The following MAGI2 variants were observed in gnomAD, a reference collection of about 807,000 sequenced individuals.
MAGI2 encodes membrane-associated guanylate kinase, WW and PDZ domain-containing protein 2.
Under a neutral mutation model 133.3 loss-of-function variants are expected in MAGI2, and 35 were observed. The observed-to-expected ratio is 0.26, with a 90% CI of 0.20 to 0.35. MAGI2 has a LOEUF of 0.35. MAGI2 is among the 10% of genes least tolerant of loss of function. The probability of loss-of-function intolerance (pLI) is 1.00; values close to 1 mark genes in which losing one functional copy is unlikely to be tolerated. For synonymous variants in MAGI2, 729 were observed against 710.6 expected (o/e 1.03, Z -0.41); for missense variants, 1,636 against 1,863.4 (o/e 0.88, Z 2.25).
intron 6 of MAGI2, among the ~76,000 whole-genome samples, chr7:78,465,551 A>T (rs1183642233): frequency 6.6e-6 from 1 of 152,190 alleles, no homozygotes; most frequent in East Asian, 1.9e-4. Context: ...AAAGATGTAG[A>T]TTATCACAGA....
Position 78,853,926 on chromosome 7 carries a change from C to G in MAGI2, c.418+153164G>C, listed in dbSNP as rs558464189. On this transcript the variant is annotated intron_variant, in intron 2 of 21. Transcript: ENST00000354212. ...CAAGATAAGTGTCCTGATAAGGGGA[C>G]AGAAAATCTACTGCTGTTATGTTGA... 9.9e-5 allele frequency among the ~76,000 whole-genome samples: 15 copies of G among 150,866 alleles called. No individual in the cohort carries two copies. The East Asian group carries it at 2.4e-3, about 24-fold the overall frequency.
chr7:79,124,819 T>A (rs1818851685), intron 1 of MAGI2: 1 of 173,394 alleles, frequency 5.8e-6, no homozygotes, highest in African/African-American at 2.4e-5. Context: ...CCCATGAGAA[T>A]CTGAGGATCC....
At chr7:78,372,618 G>T (rs1459200311) in intron 6 of MAGI2, among the ~76,000 whole-genome samples, 1 of 152,076 alleles carries the variant, frequency 6.6e-6, no homozygotes, top group Admixed American at 6.6e-5. Flanking sequence ...TGTTTTAATT[G>T]AGATTTTCTT....
At chr7:78,823,428 A>T (rs546159552) in intron 2 of MAGI2, among the ~76,000 whole-genome samples, 1 of 152,122 alleles carries the variant, frequency 6.6e-6, no homozygotes, top group African/African-American at 2.4e-5. Context: ...CTAAAAATAC[A>T]AAAAATTAGC....
chr7:79,074,542 C>T (rs1237235686), intron 1 of MAGI2, among the ~76,000 whole-genome samples: 1 of 152,120 alleles, frequency 6.6e-6, no homozygotes, highest in African/African-American at 2.4e-5. Context: ...TAATAAAATA[C>T]TCAAGTATTT....
At chr7:78,427,757 C>T (rs1799429615) in intron 6 of MAGI2, among the ~76,000 whole-genome samples, 4 of 151,452 alleles carry the variant, frequency 2.6e-5, no homozygotes, top group African/African-American at 9.7e-5. Flanking sequence ...TTTATATAAA[C>T]TTCCAAATTA....
intron 2 of MAGI2, among the ~76,000 whole-genome samples, chr7:78,992,770 A>C (rs1805911944): frequency 6.6e-6 from 1 of 151,990 alleles, no homozygotes; most frequent in African/African-American, 2.4e-5. Flanking sequence ...ATGAGCTTTG[A>C]GGCAAAGAAA....
intron 2 of MAGI2, among the ~76,000 whole-genome samples, chr7:78,677,150 CT>C (rs1176196748): frequency 2.0e-5 from 3 of 151,994 alleles, no homozygotes; most frequent in Non-Finnish European, 4.4e-5. Context: ...ATAGGGCCTG[CT>C]TTGAACATGG....
At position 79,433,037 on chromosome 7, in the gene MAGI2, C is replaced by T. The variant is rs147307222; in HGVS notation, c.301+19983G>A. On this transcript the variant is annotated intron_variant, in intron 1 of 21. Transcript: ENST00000354212. ...AACAGACCACACTAACCTCCCTTTT[C>T]ACTGGTTTCCAGAGTTCAAAAGATG... 6.6e-5 allele frequency among the ~76,000 whole-genome samples: 10 copies of T among 152,318 alleles called. No individual in the cohort carries two copies. In the East Asian group the frequency reaches 1.9e-3, roughly 29 times the overall value.
chr7:78,604,433 A>G (rs1805576482), intron 3 of MAGI2, among the ~76,000 whole-genome samples: 1 of 152,146 alleles, frequency 6.6e-6, no homozygotes, highest in Non-Finnish European at 1.5e-5. Flanking sequence ...TGATTACTTT[A>G]CTGGCCGCCT....
intron 2 of MAGI2, among the ~76,000 whole-genome samples, chr7:78,885,225 T>C (rs1157619333): frequency 6.6e-6 from 1 of 152,082 alleles, no homozygotes; most frequent in Non-Finnish European, 1.5e-5. Flanking sequence ...ACCTGGGGGT[T>C]AAAACCATTC....
At chr7:79,262,223 C>T (rs1834140168) in intron 1 of MAGI2, among the ~76,000 whole-genome samples, 1 of 152,090 alleles carries the variant, frequency 6.6e-6, no homozygotes, top group Non-Finnish European at 1.5e-5. Context: ...TAGTAAATTT[C>T]CTATACCATA....
At chr7:78,536,736 GTTTT>G (rs1027981881) in intron 3 of MAGI2, among the ~76,000 whole-genome samples, 1 of 138,326 alleles carries the variant, frequency 7.2e-6, no homozygotes, top group Non-Finnish European at 1.6e-5. Context: ...AATTTCAATA[GTTTT>G]TTTTTTGTTT....
chr7:79,339,487 A>T (rs1840731616), intron 1 of MAGI2, among the ~76,000 whole-genome samples: 1 of 147,858 alleles, frequency 6.8e-6, no homozygotes. Flanking sequence ...TTGAGGAATC[A>T]CTAAAATTTG....
chr7:79,195,785 A>AT (rs60360552), intron 1 of MAGI2, among the ~76,000 whole-genome samples: 14,921 of 148,954 alleles, frequency 0.1, 1,825 homozygotes, highest in African/African-American at 0.28. Context: ...AATACTAAGG[A>AT]TTTTTTTTTT....
At chr7:79,071,393 T>A (rs959711303) in intron 1 of MAGI2, among the ~76,000 whole-genome samples, 1 of 151,998 alleles carries the variant, frequency 6.6e-6, no homozygotes, top group African/African-American at 2.4e-5. Context: ...TGGCCCCTGC[T>A]GGGAGGTGTC....
At chr7:78,708,391 C>T (rs1372255794) in intron 2 of MAGI2, among the ~76,000 whole-genome samples, 3 of 152,098 alleles carry the variant, frequency 2.0e-5, no homozygotes, top group Admixed American at 1.3e-4. Context: ...ATTCTGAAGC[C>T]ATCATCTTTC....
chr7:78,513,709 C>T (rs998683734), intron 4 of MAGI2, among the ~76,000 whole-genome samples: 2 of 152,136 alleles, frequency 1.3e-5, no homozygotes, highest in Non-Finnish European at 2.9e-5. Flanking sequence ...ATCAAATCTC[C>T]CTCACACACA....
chr7:78,225,150 G>T (rs746987693), intron 10 of MAGI2, among the ~76,000 whole-genome samples: 2 of 152,106 alleles, frequency 1.3e-5, no homozygotes, highest in Non-Finnish European at 2.9e-5. Context: ...ACTCATCAGA[G>T]ATCACTTGTC....
Sources: allele counts gnomAD v4.1 joint callset (sites outside exome capture counted in the v4.1 genomes callset), GRCh38; gene constraint gnomAD v4.1.1; transcripts MANE v1.5; gene names NCBI Gene and HGNC (gene_info 2026-07-23, HGNC 2026-07-21).